The following PCDHGB3 variants were observed in gnomAD, a reference collection of about 807,000 sequenced individuals.
PCDHGB3 encodes protocadherin gamma subfamily B, 3.
Under a neutral mutation model 59.2 loss-of-function variants are expected in PCDHGB3, and 40 were observed. That is an observed-to-expected ratio of 0.68 (90% confidence interval 0.52 to 0.88). PCDHGB3 has a LOEUF of 0.88. Among genes scored for constraint, PCDHGB3 ranks in the 40% least tolerant of loss-of-function variants. PCDHGB3 has a pLI of 0.00. For missense variants in PCDHGB3, 1,309 were observed against 1,187.9 expected (o/e 1.10, Z -1.50); for synonymous variants, 581 against 503.6 (o/e 1.15, Z -2.06).
chr5:141,498,930 C>T (rs2099786911), intron 2 of PCDHGB3, among the ~76,000 whole-genome samples: 1 of 121,364 alleles, frequency 8.2e-6, no homozygotes, highest in Non-Finnish European at 1.6e-5. Flanking sequence ...GAGACTCCAT[C>T]AGGAAAGAAA....
Position 141,476,477 on chromosome 5 carries a change from G to C in PCDHGB3, c.2416-18330G>C. ...GGAGAACCCGCTGGAGCTGTTCAGCGTGGAAGTGGTGATCCAGGACATCAA... is the reference window on the plus strand; with the variant it reads ...GGAGAACCCGCTGGAGCTGTTCAGCCTGGAAGTGGTGATCCAGGACATCAA... On this transcript the variant is annotated intron_variant, in intron 1 of 3. Coordinates refer to ENST00000576222, the MANE Select transcript of PCDHGB3 (RefSeq NM_018924.5). The surrounding 1 kb of genome is among the most constrained non-coding windows in gnomAD (Gnocchi z 7.6). The C allele has an allele frequency of 5.0e-6, 8 of 1,614,078 alleles. No homozygotes were observed. Among genetic ancestry groups the C allele is most frequent in the Non-Finnish European group, 6.8e-6 (8 of 1,180,018 alleles).
chr5:141,475,951 G>A, intron 1 of PCDHGB3: 4 of 766,902 alleles, frequency 5.2e-6, no homozygotes, highest in South Asian at 1.9e-5. Flanking sequence ...CCCTTTCTGC[G>A]CCCCGGGATG....
chr5:141,489,701 T>C lies in PCDHGB3; in HGVS notation c.2416-5106T>C, dbSNP rs1038902932. The C allele has an allele frequency of 1.9e-6, 3 of 1,614,128 alleles. No homozygotes were observed. The highest frequency in any genetic ancestry group is 2.5e-6 in the Non-Finnish European group (3 of 1,179,944). On this transcript the variant is annotated intron_variant, in intron 1 of 3. Transcript: ENST00000576222. The surrounding 1 kb of genome is among the most constrained non-coding windows in gnomAD (Gnocchi z 4.5). ...GCAGCATCTGGGGCACGATTCCCAC[T>C]GGACAGTGCCCAGGATCCGGATGTG...
At chr5:141,494,564 G>A (rs2099755274) in intron 1 of PCDHGB3, among the ~76,000 whole-genome samples, 1 of 152,138 alleles carries the variant, frequency 6.6e-6, no homozygotes, top group Non-Finnish European at 1.5e-5. Context: ...TTTAGGAAAG[G>A]AGTCTCAGCT....
chr5:141,415,147 C>T (rs779194230), intron 1 of PCDHGB3: 17 of 1,613,668 alleles, frequency 1.1e-5, no homozygotes, highest in African/African-American at 1.3e-5. Context: ...CCAGCCCCCT[C>T]TCTCCGCCAC....
At chr5:141,427,059 G>C (rs751016646) in intron 1 of PCDHGB3, 1 of 457,744 alleles carries the variant, frequency 2.2e-6, no homozygotes, top group South Asian at 1.5e-5. Context: ...AGGCACCTCT[G>C]TACTAAAGGT....
intron 1 of PCDHGB3, chr5:141,423,339 C>T (rs1393650718): frequency 6.2e-7 from 1 of 1,614,072 alleles, no homozygotes; most frequent in Non-Finnish European, 8.5e-7. Flanking sequence ...TCTCCTGCAT[C>T]TTCCTGGTCT....
chr5:141,414,466 G>A, intron 1 of PCDHGB3: 1 of 1,613,872 alleles, frequency 6.2e-7, no homozygotes, highest in Non-Finnish European at 8.5e-7. Flanking sequence ...AGCCACAGAT[G>A]GGGGAAGTCC....
At chr5:141,469,569 G>A (rs975304006) in intron 1 of PCDHGB3, among the ~76,000 whole-genome samples, 1 of 152,122 alleles carries the variant, frequency 6.6e-6, no homozygotes, top group Non-Finnish European at 1.5e-5. Flanking sequence ...GTGAGACTCT[G>A]TCTCTAAATA....
intron 1 of PCDHGB3, chr5:141,383,689 G>A (rs773858539): frequency 1.9e-6 from 3 of 1,614,036 alleles, no homozygotes; most frequent in South Asian, 1.1e-5. Flanking sequence ...ACTGCTCACG[G>A]TACATGCTAT....
At chr5:141,378,827 A>G (rs983017381) in intron 1 of PCDHGB3, 1 of 152,256 alleles carries the variant, frequency 6.6e-6, no homozygotes, top group African/African-American at 2.4e-5. Flanking sequence ...TTTCATGAAC[A>G]GAAAACAGCA....
chr5:141,394,667 G>C, intron 1 of PCDHGB3: 5 of 1,613,252 alleles, frequency 3.1e-6, no homozygotes, highest in Non-Finnish European at 4.2e-6. Flanking sequence ...GACTCTTCTC[G>C]GTGGGTCTGC....
intron 2 of PCDHGB3, among the ~76,000 whole-genome samples, chr5:141,502,382 T>C (rs1668612742): frequency 1.3e-5 from 2 of 152,088 alleles, no homozygotes; most frequent in Non-Finnish European, 2.9e-5. Context: ...CCAGGCCAGT[T>C]GTACTTTAAA....
chr5:141,405,994 C>T (rs2094743060), intron 1 of PCDHGB3, among the ~76,000 whole-genome samples: 1 of 151,930 alleles, frequency 6.6e-6, no homozygotes, highest in African/African-American at 2.4e-5. Context: ...GGGTAGCTCT[C>T]AGCCTGCATT....
At chr5:141,414,899 G>C (rs756810046) in intron 1 of PCDHGB3, 4 of 1,614,182 alleles carry the variant, frequency 2.5e-6, no homozygotes, top group Non-Finnish European at 3.4e-6. Context: ...CCCACAGACG[G>C]TTCCACAGGC....
At position 141,403,226 on chromosome 5, in the gene PCDHGB3, CG is replaced by C. The variant is rs539681713; in HGVS notation, c.2415+30420del. On this transcript the variant is annotated intron_variant, in intron 1 of 3. Transcript: ENST00000576222. Reference sequence around the variant, plus strand: ...CTTGGTCACCGCGGGTAGGATAGACCGGGAGGAGCTCTGTGCTCAGAGCCCG... The same window carrying C: ...CTTGGTCACCGCGGGTAGGATAGACCGGAGGAGCTCTGTGCTCAGAGCCCG... 1.5e-3 allele frequency: 2,492 copies of C among 1,613,926 alleles called. 3 individuals are homozygous for C. The highest frequency in any genetic ancestry group is 1.8e-3 in the Non-Finnish European group (2,143 of 1,179,902).
At chr5:141,506,164 G>A (rs959032250) in intron 3 of PCDHGB3, among the ~76,000 whole-genome samples, 17 of 152,140 alleles carry the variant, frequency 1.1e-4, no homozygotes, top group Non-Finnish European at 2.4e-4. Context: ...TAAGAGCACA[G>A]CCTAAGCTGG....
In PCDHGB3 at chr5:141,476,374, GTTTGTGAACGACCGTC is replaced by G. The variant is rs1424626307; in HGVS notation, c.2416-18431_2416-18416del. 1 of 1,614,060 alleles carries G rather than the reference GTTTGTGAACGACCGTC, an allele frequency of 6.2e-7. No individual in the cohort carries two copies. The highest frequency in any genetic ancestry group is 1.3e-5 in the African/African-American group (1 of 74,922). Reference sequence around the variant, plus strand: ...AGGTGAACCGGGAGACCGGAGAGATGTTTGTGAACGACCGTCTGGATCGAGAGGAGCTGTGTGGGAC... The same window carrying G: ...AGGTGAACCGGGAGACCGGAGAGATGTGGATCGAGAGGAGCTGTGTGGGAC... On this transcript the variant is annotated intron_variant, in intron 1 of 3. Coordinates refer to ENST00000576222, the MANE Select transcript of PCDHGB3 (RefSeq NM_018924.5). The surrounding 1 kb of genome is among the most constrained non-coding windows in gnomAD (Gnocchi z 7.6).
At chr5:141,441,663 G>A (rs777315226) in intron 1 of PCDHGB3, 20 of 260,482 alleles carry the variant, frequency 7.7e-5, no homozygotes, top group Non-Finnish European at 1.2e-4. Context: ...GTCCTTGAGC[G>A]CACAGTGCGC....
Sources: allele counts gnomAD v4.1 joint callset (sites outside exome capture counted in the v4.1 genomes callset), GRCh38; gene constraint gnomAD v4.1.1; non-coding constraint Gnocchi (gnomAD v3.1); transcripts MANE v1.5; gene names NCBI Gene and HGNC (gene_info 2026-07-23, HGNC 2026-07-21).